Variants in MGAM2 observed in about 807,000 individuals in gnomAD.
The protein encoded by MGAM2 is maltase-glucoamylase 2 (putative), also known as probable maltase-glucoamylase 2.
In MGAM2, 98 loss-of-function variants were observed where a neutral mutation model predicts 96.1. That is an observed-to-expected ratio of 1.02 (90% CI 0.87 to 1.21). MGAM2 has a LOEUF of 1.21. Ranked by LOEUF, MGAM2 falls within the 50% of genes most tolerant of loss-of-function variation. The pLI is 0.00. For missense variants in MGAM2, 2,055 were observed against 1,182.4 expected (o/e 1.74, Z -10.82); for synonymous variants, 749 against 414.8 (o/e 1.81, Z -9.79).
At chr7:142,216,134 C>T (rs1797753184) in intron 46 of MGAM2, among the ~76,000 whole-genome samples, 1 of 152,144 alleles carries the variant, frequency 6.6e-6, no homozygotes, top group Non-Finnish European at 1.5e-5. Context: ...TTGTTCCATC[C>T]TGCATTTGGC....
intron 10 of MGAM2, 79 bp from the exon 11 acceptor site, chr7:142,140,723 G>A (rs1453065544): frequency 1.7e-6 from 1 of 586,490 alleles, no homozygotes; most frequent in Non-Finnish European, 3.0e-6. Flanking sequence ...ATTTTCAATG[G>A]TCAGGAACCA....
chr7:142,183,467 T>C (rs1796600981), intron 33 of MGAM2, 94 bp downstream of exon 33: 1 of 636,218 alleles, frequency 1.6e-6, no homozygotes, highest in African/African-American at 1.8e-5. Flanking sequence ...TATTGGACAA[T>C]CAATAAATTA....
At chr7:142,175,229 G>C (rs1411652405) in intron 31 of MGAM2, among the ~76,000 whole-genome samples, 1 of 151,986 alleles carries the variant, frequency 6.6e-6, no homozygotes, top group East Asian at 1.9e-4. Context: ...AGTTTATTGA[G>C]AGTTTTTAAA....
intron 45 of MGAM2, among the ~76,000 whole-genome samples, chr7:142,201,090 T>C (rs1797214709): frequency 1.5e-5 from 2 of 136,864 alleles, no homozygotes; most frequent in Admixed American, 7.5e-5. Flanking sequence ...TTCTTTTTTT[T>C]TTTTTTTTGA....
At chr7:142,155,913 A>G (rs1004522665) in intron 17 of MGAM2, among the ~76,000 whole-genome samples, 2 of 152,240 alleles carry the variant, frequency 1.3e-5, no homozygotes, top group African/African-American at 4.8e-5. Context: ...TGGGAGGCCA[A>G]GGTGGGAGGA....
rs116586227 is a variant in MGAM2 at position 142,172,266 on chromosome 7, T to C, written c.3448+72T>C. Reference sequence around the variant, plus strand: ...CCGCTCTATTTTGACCTGGTATCAATAGAAATAGAGACATTCAGGGGGCAA... The same window carrying C: ...CCGCTCTATTTTGACCTGGTATCAACAGAAATAGAGACATTCAGGGGGCAA... On this transcript the variant is annotated intron_variant, in intron 29 of 47. Transcript: ENST00000477922. The C allele has an allele frequency of 8.7e-4, 549 of 633,350 alleles. 4 individuals carry two copies. The African/African-American group carries it at 8.8e-3, about 10-fold the overall frequency. The allele number at this position is 633,350 out of a possible 1,614,324, so 39.2% of individuals were successfully genotyped here. A position where few individuals can be genotyped will look rare whatever the true frequency, so the allele number is the denominator to read the frequency against.
At chr7:142,185,817 A>C (rs888217595) in intron 34 of MGAM2, among the ~76,000 whole-genome samples, 172 bp from the exon 35 acceptor site, 7 of 152,230 alleles carry the variant, frequency 4.6e-5, no homozygotes, top group Non-Finnish European at 8.8e-5. Flanking sequence ...AAAATAAAGA[A>C]TGAAGTCAGC....
chr7:142,176,696 G>A (rs1338280828), intron 32 of MGAM2, among the ~76,000 whole-genome samples: 1 of 152,122 alleles, frequency 6.6e-6, no homozygotes, highest in East Asian at 1.9e-4. Flanking sequence ...GGGACACAGA[G>A]AGCAATAAAG....
rs1797921573 is a variant in MGAM2, at chr7:142,221,343, GCTA to G, written c.6840_6842del (p.Thr2281del). 1 of 630,790 alleles carries G rather than the reference GCTA, an allele frequency of 1.6e-6. No homozygotes were observed. Among genetic ancestry groups the G allele is most frequent in the East Asian group, 2.7e-5 (1 of 36,762 alleles). 39.1% of individuals were successfully genotyped at this position (630,790 alleles called of 1,614,324 possible). On this transcript the variant is annotated inframe_deletion, in exon 48 of 48. Coordinates refer to ENST00000477922, the MANE Select transcript of MGAM2 (RefSeq NM_001293626.2). ...GACTACTCCTTCTCCAAGTACTGAT[GCTA>G]CTACTACAAGTAATAATACTAATCC...
chr7:142,196,463 T>C lies in MGAM2; in HGVS notation c.4481-102T>C, dbSNP rs1797039528. On this transcript the variant is annotated intron_variant, in intron 38 of 47. Transcript: ENST00000477922. ...CACCCATCTTTTAATATTTTCATCA[T>C]GGTCCAGGGCTTTCTAATGGGGTAA... 8.9e-6 allele frequency: 6 copies of C among 674,648 alleles called. No individual in the cohort carries two copies. The East Asian group carries it at 1.3e-4, about 15-fold the overall frequency. The allele number at this position is 674,648 out of a possible 1,614,324, so 41.8% of individuals were successfully genotyped here.
Position 142,221,250 on chromosome 7 carries a change from G to C in MGAM2, c.6739G>C (p.Ala2247Pro). 1 of 698,920 alleles carries C rather than the reference G, an allele frequency of 1.4e-6. No individual in the cohort carries two copies. Among genetic ancestry groups the C allele is most frequent in the Non-Finnish European group, 2.6e-6 (1 of 382,594 alleles). 43.3% of individuals were successfully genotyped at this position (698,920 alleles called of 1,614,324 possible). A position where few individuals can be genotyped will look rare whatever the true frequency, so the allele number is the denominator to read the frequency against. Residue 2247 changes from alanine to proline, a missense_variant, in exon 48 of 48, where the codon GCT becomes CCT. Coordinates refer to ENST00000477922, the MANE Select transcript of MGAM2 (RefSeq NM_001293626.2). ...MTNFLLATMS[A>P]GNITSNSISI... ...AAATTTTCTTTTAGCTACAATGTCT[G>C]CTGGTAATATAACTAGTAATAGTAT...
At chr7:142,157,873 T>G (rs1372233829) in intron 17 of MGAM2, 64 bp from the exon 18 acceptor site, 2 of 677,560 alleles carry the variant, frequency 3.0e-6, no homozygotes, top group Non-Finnish European at 5.4e-6. Flanking sequence ...GGAAACTTAT[T>G]GTAAGAGAAC....
intron 14 of MGAM2, among the ~76,000 whole-genome samples, chr7:142,147,027 C>T (rs746883615): frequency 3.9e-5 from 6 of 152,130 alleles, no homozygotes; most frequent in Non-Finnish European, 7.3e-5. Context: ...TGTGCCCAGC[C>T]TCTATTTTTC....
chr7:142,122,731 G>A (rs778733482), intron 3 of MGAM2, among the ~76,000 whole-genome samples: 15 of 152,192 alleles, frequency 9.9e-5, no homozygotes, highest in Non-Finnish European at 1.6e-4. Flanking sequence ...GTATGAGTAT[G>A]CCATAGTTTA....
chr7:142,132,909 A>T (rs1186463966), intron 6 of MGAM2, among the ~76,000 whole-genome samples: 1 of 130,756 alleles, frequency 7.6e-6, no homozygotes, highest in Non-Finnish European at 1.5e-5. Flanking sequence ...TATTTAATAT[A>T]CAAATATGTC....
In MGAM2 at chr7:142,154,841, T is replaced by G. The variant is rs1795688961; in HGVS notation, c.1919T>G (p.Phe640Cys). ...PLPRNHNGPG[F>C]RDQDPAAFGV... Reference sequence around the variant, plus strand: ...CCAAGGAATCACAATGGGCCTGGGTTCAGGGTAAGGTCACCAAAAGAAGTG... The same window carrying G: ...CCAAGGAATCACAATGGGCCTGGGTGCAGGGTAAGGTCACCAAAAGAAGTG... The change falls in exon 17 of 48, where the codon TTC becomes TGC. Residue 640 changes from phenylalanine (F) to cysteine (C), a missense_variant. Phe to Cys is a radical substitution (Grantham distance 205). Transcript: ENST00000477922. 1.4e-6 allele frequency: 1 copy of G among 703,166 alleles called. No homozygotes were observed. The highest frequency in any genetic ancestry group is 2.0e-5 in the Admixed American group (1 of 49,988). 43.6% of individuals were successfully genotyped at this position (703,166 alleles called of 1,614,324 possible).
At chr7:142,129,432 G>A (rs1173819970) in intron 3 of MGAM2, among the ~76,000 whole-genome samples, 2 of 151,210 alleles carry the variant, frequency 1.3e-5, no homozygotes, top group African/African-American at 4.9e-5. Flanking sequence ...GATTTGAGAG[G>A]GGCCCGGTGC....
At chr7:142,209,446 G>A (rs1274751393) in intron 46 of MGAM2, among the ~76,000 whole-genome samples, 1 of 152,120 alleles carries the variant, frequency 6.6e-6, no homozygotes, top group East Asian at 1.9e-4. Flanking sequence ...TGCAATCAAT[G>A]CACCTTGCAT....
chr7:142,171,647 TA>T (rs1796194498), intron 28 of MGAM2, among the ~76,000 whole-genome samples: 2 of 89,888 alleles, frequency 2.2e-5, no homozygotes, highest in Admixed American at 2.0e-4. Context: ...TATATATATA[TA>T]TATATATCCA....
Sources: allele counts gnomAD v4.1 joint callset (sites outside exome capture counted in the v4.1 genomes callset), GRCh38; gene constraint gnomAD v4.1.1; transcripts MANE v1.5; gene names NCBI Gene and HGNC (gene_info 2026-07-23, HGNC 2026-07-21).